Variants in TENM3 observed in about 807,000 individuals in gnomAD.
TENM3 encodes the protein teneurin transmembrane protein 3.
TENM3 carries 63 observed loss-of-function variants against 255.1 expected under a neutral mutation model. The ratio of observed to expected loss-of-function variants is 0.25; its 90% confidence interval spans 0.20 to 0.30. TENM3 has a LOEUF of 0.30. Ranked by LOEUF, TENM3 falls within the 10% of genes least tolerant of loss-of-function variation. The pLI is 1.00. For missense variants in TENM3, 2,929 were observed against 3,461.1 expected (o/e 0.85, Z 3.86); for synonymous variants, 1,306 against 1,322.3 (o/e 0.99, Z 0.27).
intron 1 of TENM3, among the ~76,000 whole-genome samples, chr4:182,163,891 C>A (rs149379841): frequency 6.6e-6 from 1 of 152,180 alleles, no homozygotes; most frequent in East Asian, 1.9e-4. Context: ...AGCCCTTAGA[C>A]CCTCTGCCTT....
chr4:181,512,245 C>T, the TENM3 span, among the ~76,000 whole-genome samples: 1 of 152,168 alleles, frequency 6.6e-6, no homozygotes, highest in East Asian at 1.9e-4. Flanking sequence ...GGTGCTTATG[C>T]TGTGTTGTGG....
the TENM3 span, among the ~76,000 whole-genome samples, chr4:181,603,352 A>G: frequency 6.6e-5 from 10 of 152,272 alleles, no homozygotes; most frequent in African/African-American, 2.4e-4. Context: ...ATGGGTATAA[A>G]GGAGAACTAT....
chr4:182,605,017 T>G (rs1748271019), intron 4 of TENM3, among the ~76,000 whole-genome samples: 1 of 152,234 alleles, frequency 6.6e-6, no homozygotes, highest in Admixed American at 6.5e-5. Flanking sequence ...TTTTTCTCTT[T>G]TTATCTTCTT....
At chr4:181,813,386 C>T in the TENM3 span, among the ~76,000 whole-genome samples, 19 of 152,296 alleles carry the variant, frequency 1.2e-4, no homozygotes, top group Non-Finnish European at 1.5e-5. Flanking sequence ...AACAATCAAG[C>T]ACGTTGCCCA....
chr4:182,337,089 A>G (rs1764191387), intron 2 of TENM3, among the ~76,000 whole-genome samples: 1 of 152,192 alleles, frequency 6.6e-6, no homozygotes, highest in African/African-American at 2.4e-5. Flanking sequence ...TCTATTAGAA[A>G]ACCGCAGTAA....
the TENM3 span, among the ~76,000 whole-genome samples, chr4:181,995,332 A>C: frequency 6.6e-6 from 1 of 152,132 alleles, no homozygotes; most frequent in African/African-American, 2.4e-5. Context: ...AATACAGTGA[A>C]TTACATCTGC....
At chr4:181,912,623 T>A in the TENM3 span, among the ~76,000 whole-genome samples, 1 of 151,912 alleles carries the variant, frequency 6.6e-6, no homozygotes, top group Admixed American at 6.6e-5. Context: ...TGAAACCCTG[T>A]CTCTACTAAA....
At chr4:182,600,843 C>A (rs1747755168) in intron 3 of TENM3, 81 bp from the exon 4 acceptor site, 2 of 683,692 alleles carry the variant, frequency 2.9e-6, no homozygotes, top group South Asian at 3.3e-5. Flanking sequence ...CAGTGGATCC[C>A]CAAGAAATTG....
Position 182,789,278 on chromosome 4 carries a change from C to G in TENM3, c.5490C>G (p.Ala1830=). 6.2e-7 allele frequency: 1 copy of G among 1,613,762 alleles called. No homozygotes were observed. The highest frequency in any genetic ancestry group is 8.5e-7 in the Non-Finnish European group (1 of 1,179,800). The change falls in exon 25 of 28, where the codon GCC becomes GCG. Residue 1830 remains alanine (A), a synonymous_variant. Transcript: ENST00000511685. This position sits in a 1 kb window ranked among gnomAD's most constrained non-coding sequence, Gnocchi z 4.4. ...CCTATTCATCCACAGGTCAAATTGC[C>G]AGCATCCAGCGAGGCACCACTAGCG... ...NVTYSSTGQI[A]SIQRGTTSEK... is the part of the protein sequence containing the mutation.
chr4:181,853,187 C>T, the TENM3 span, among the ~76,000 whole-genome samples: 1 of 152,214 alleles, frequency 6.6e-6, no homozygotes, highest in Non-Finnish European at 1.5e-5. Context: ...TATTTGATCT[C>T]TAACTGTGGC....
At chr4:182,713,984 T>A in intron 12 of TENM3, 103 bp from the exon 13 acceptor site, 2 of 851,742 alleles carry the variant, frequency 2.3e-6, no homozygotes, top group Non-Finnish European at 3.8e-6. Context: ...GTATTTGTGC[T>A]GTTTATAAAG....
intron 3 of TENM3, among the ~76,000 whole-genome samples, chr4:182,539,021 A>G (rs968227283): frequency 2.0e-5 from 3 of 151,976 alleles, no homozygotes; most frequent in Non-Finnish European, 4.4e-5. Flanking sequence ...TATCGGTGTT[A>G]TAAAGTGATC....
At chr4:181,607,989 C>A in the TENM3 span, among the ~76,000 whole-genome samples, 2 of 152,178 alleles carry the variant, frequency 1.3e-5, no homozygotes, top group South Asian at 2.1e-4. Context: ...CCTCTCAAAT[C>A]ATATCAAATA....
the TENM3 span, among the ~76,000 whole-genome samples, chr4:181,786,348 C>A: frequency 6.6e-6 from 1 of 152,180 alleles, no homozygotes; most frequent in Non-Finnish European, 1.5e-5. Flanking sequence ...AAAATGTATT[C>A]ATGCACACAC....
the TENM3 span, among the ~76,000 whole-genome samples, chr4:181,711,687 G>A: frequency 6.6e-6 from 1 of 152,134 alleles, no homozygotes; most frequent in South Asian, 2.1e-4. Context: ...CTCTCATTAA[G>A]CTCAGCGTTT....
At chr4:181,453,794 A>G in the TENM3 span, among the ~76,000 whole-genome samples, 5 of 152,272 alleles carry the variant, frequency 3.3e-5, no homozygotes, top group African/African-American at 1.2e-4. Context: ...TGAATTTTTT[A>G]TGACAGTCAG....
At chr4:181,965,896 T>G in the TENM3 span, among the ~76,000 whole-genome samples, 5 of 152,322 alleles carry the variant, frequency 3.3e-5, no homozygotes, top group South Asian at 1.0e-3. Flanking sequence ...GATTGATCCA[T>G]GGGTTCAGGT....
At chr4:181,901,497 G>T in the TENM3 span, among the ~76,000 whole-genome samples, 1 of 152,178 alleles carries the variant, frequency 6.6e-6, no homozygotes, top group African/African-American at 2.4e-5. Context: ...ATGAGCCTCT[G>T]ATCCTGCCTA....
the TENM3 span, among the ~76,000 whole-genome samples, chr4:181,696,587 A>G: frequency 6.6e-5 from 10 of 152,230 alleles, no homozygotes; most frequent in Non-Finnish European, 1.3e-4. Flanking sequence ...TACATTTCTA[A>G]TAAATATCTG....
Sources: allele counts gnomAD v4.1 joint callset (sites outside exome capture counted in the v4.1 genomes callset), GRCh38; gene constraint gnomAD v4.1.1; non-coding constraint Gnocchi (gnomAD v3.1); transcripts MANE v1.5; gene names NCBI Gene and HGNC (gene_info 2026-07-23, HGNC 2026-07-21).